Variants in PCDHA13 observed in about 807,000 individuals in gnomAD.
PCDHA13 encodes the protein protocadherin alpha-13.
A neutral mutation model predicts 64.8 loss-of-function variants in PCDHA13; 54 were observed. That is an observed-to-expected ratio of 0.83 (90% CI 0.67 to 1.04). The LOEUF (loss-of-function observed/expected upper bound fraction) is 1.04. Among genes scored for constraint, PCDHA13 ranks in the 50% least tolerant of loss-of-function variants. The pLI is 0.00. For synonymous variants in PCDHA13, 587 were observed against 564.4 expected (o/e 1.04, Z -0.57); for missense variants, 1,248 against 1,254.3 (o/e 0.99, Z 0.08).
chr5:140,922,652 T>C (rs371970165), intron 1 of PCDHA13, among the ~76,000 whole-genome samples: 4 of 152,156 alleles, frequency 2.6e-5, no homozygotes, highest in African/African-American at 9.7e-5. Context: ...ACAGTAAATA[T>C]GGCTATACTG....
At chr5:140,959,281 G>T (rs1395135880) in intron 1 of PCDHA13, among the ~76,000 whole-genome samples, 2 of 152,044 alleles carry the variant, frequency 1.3e-5, no homozygotes, top group Admixed American at 1.3e-4. Context: ...GGAGCCTGAG[G>T]TGGGAGCATC....
chr5:140,901,148 CA>C (rs1244292469), intron 1 of PCDHA13, among the ~76,000 whole-genome samples: 17 of 152,076 alleles, frequency 1.1e-4, no homozygotes, highest in Non-Finnish European at 2.4e-4. Context: ...TATTTTCTCT[CA>C]ATCTGTGGGT....
chr5:140,956,540 G>C (rs1356910892), intron 1 of PCDHA13, among the ~76,000 whole-genome samples: 1 of 152,186 alleles, frequency 6.6e-6, no homozygotes, highest in Non-Finnish European at 1.5e-5. Context: ...TGTGCTGCTG[G>C]ATTTGGTTTG....
chr5:141,000,103 G>T (rs551643743), intron 3 of PCDHA13, among the ~76,000 whole-genome samples: 2 of 152,068 alleles, frequency 1.3e-5, no homozygotes, highest in Non-Finnish European at 2.9e-5. Flanking sequence ...GCTCAACTCC[G>T]TCTCTTCCCT....
chr5:140,904,195 C>T (rs1554191353), intron 1 of PCDHA13, among the ~76,000 whole-genome samples: 1 of 151,930 alleles, frequency 6.6e-6, no homozygotes, highest in Admixed American at 6.6e-5. Context: ...CCCACCCTTT[C>T]CCCCTAAGTC....
Position 140,925,879 on chromosome 5 carries a change from C to A in PCDHA13, c.2394+41217C>A, listed in dbSNP as rs138501139. Reference sequence around the variant, plus strand: ...GTTATTGCTATTGACTGGTTTATAACCTCCTCTTTCACCCAGATCGTCAAG... The same window carrying A: ...GTTATTGCTATTGACTGGTTTATAAACTCCTCTTTCACCCAGATCGTCAAG... On this transcript the variant is annotated intron_variant, in intron 1 of 3. Coordinates refer to ENST00000289272, the MANE Select transcript of PCDHA13 (RefSeq NM_018904.3). Among the ~76,000 whole-genome samples, 60 of 152,212 alleles carry A rather than the reference C, an allele frequency of 3.9e-4. No individual in the cohort carries two copies. In the East Asian group the frequency reaches 7.4e-3, roughly 19 times the overall value.
intron 1 of PCDHA13, chr5:140,930,248 C>T (rs2086692121): frequency 1.3e-5 from 2 of 152,178 alleles, no homozygotes; most frequent in South Asian, 4.1e-4. Flanking sequence ...GTCCATTCAA[C>T]TTGGATTTAA....
intron 3 of PCDHA13, among the ~76,000 whole-genome samples, chr5:140,995,361 G>C (rs567350687): frequency 1.1e-3 from 168 of 152,090 alleles, no homozygotes; most frequent in African/African-American, 3.4e-3. Flanking sequence ...TCGGACAGAG[G>C]GATGATTCAC....
At chr5:140,906,917 C>T (rs2073040753) in intron 1 of PCDHA13, among the ~76,000 whole-genome samples, 1 of 152,114 alleles carries the variant, frequency 6.6e-6, no homozygotes, top group Non-Finnish European at 1.5e-5. Context: ...AGGAGGAGCC[C>T]AAAAAGTGTC....
intron 1 of PCDHA13, among the ~76,000 whole-genome samples, chr5:140,918,323 T>C (rs1554198562): frequency 7.2e-5 from 11 of 152,184 alleles, no homozygotes. Flanking sequence ...TATAAAATTA[T>C]ATTGTCTGCT....
Position 140,883,379 on chromosome 5 carries a change from C to G in PCDHA13, c.1111C>G (p.Leu371Val). 6.2e-7 allele frequency: 1 copy of G among 1,614,182 alleles called. No individual in the cohort carries two copies. Among genetic ancestry groups the G allele is most frequent in the Non-Finnish European group, 8.5e-7 (1 of 1,180,042 alleles). The change falls in exon 1 of 4, where the codon CTA becomes GTA. Residue 371 changes from leucine to valine, a missense_variant. Physicochemically the swap from Leu to Val is conservative, Grantham distance 32. Coordinates refer to ENST00000289272, the MANE Select transcript of PCDHA13 (RefSeq NM_018904.3). ...EDTQPSAIIA[L>V]ISVSDRDSGS... ...CACTCAGCCTAGCGCCATTATTGCCCTAATCAGTGTGTCCGATCGTGACTC... is the reference window on the plus strand; with the variant it reads ...CACTCAGCCTAGCGCCATTATTGCCGTAATCAGTGTGTCCGATCGTGACTC...
At chr5:140,964,783 A>C (rs2095854085) in intron 1 of PCDHA13, among the ~76,000 whole-genome samples, 1 of 152,018 alleles carries the variant, frequency 6.6e-6, no homozygotes, top group East Asian at 1.9e-4. Context: ...AAGAGGAAGA[A>C]GCCAGAGACC....
intron 3 of PCDHA13, among the ~76,000 whole-genome samples, chr5:140,988,486 T>C (rs2153874124): frequency 6.6e-6 from 1 of 152,286 alleles, no homozygotes; most frequent in South Asian, 2.1e-4. Context: ...TAGCATCCCC[T>C]ACCTAGGAGA....
intron 1 of PCDHA13, among the ~76,000 whole-genome samples, chr5:140,901,442 T>G (rs1490397176): frequency 6.6e-6 from 1 of 152,206 alleles, no homozygotes; most frequent in Non-Finnish European, 1.5e-5. Flanking sequence ...GATATCTAGT[T>G]TCCCAGCACA....
chr5:140,927,280 C>G, intron 1 of PCDHA13: 1 of 1,614,178 alleles, frequency 6.2e-7, no homozygotes, highest in Non-Finnish European at 8.5e-7. Flanking sequence ...CGGCGACGTG[C>G]AGCTGCACAT....
At chr5:140,917,324 C>CGGG (rs1299895515) in intron 1 of PCDHA13, among the ~76,000 whole-genome samples, 10 of 76,182 alleles carry the variant, frequency 1.3e-4, no homozygotes, top group South Asian at 4.5e-4. Flanking sequence ...GTTCATGTGG[C>CGGG]GGGGGAGGGG....
chr5:140,891,056 T>C (rs2062933451), intron 1 of PCDHA13, among the ~76,000 whole-genome samples: 1 of 152,196 alleles, frequency 6.6e-6, no homozygotes, highest in Non-Finnish European at 1.5e-5. Context: ...CAGCACATAG[T>C]AAATATTATT....
intron 1 of PCDHA13, chr5:140,969,200 G>A: frequency 2.5e-6 from 4 of 1,614,132 alleles, no homozygotes; most frequent in Non-Finnish European, 3.4e-6. Context: ...TTACAATACA[G>A]GGGCCCAGAC....
At chr5:140,932,039 CAT>C (rs2087970987) in intron 1 of PCDHA13, among the ~76,000 whole-genome samples, 1 of 151,816 alleles carries the variant, frequency 6.6e-6, no homozygotes, top group South Asian at 2.1e-4. Context: ...TATATATTAA[CAT>C]AGCCTGTAAT....
Sources: gnomAD v4.1 joint callset for allele counts (sites outside exome capture counted in the v4.1 genomes callset) on GRCh38, gnomAD v4.1.1 for gene constraint, MANE v1.5 for transcripts, NCBI Gene and HGNC (gene_info 2026-07-23, HGNC 2026-07-21) for gene names.